Variants in ADAMTS17 observed in about 807,000 individuals in gnomAD.
ADAMTS17 encodes the protein ADAM metallopeptidase with thrombospondin type 1 motif 17.
Under a neutral mutation model 141.5 loss-of-function variants are expected in ADAMTS17, and 113 were observed. The ratio of observed to expected loss-of-function variants is 0.80; its 90% CI spans 0.69 to 0.93. The LOEUF (loss-of-function observed/expected upper bound fraction) is 0.93, where lower values mean the gene tolerates loss of function less well. Among genes scored for constraint, ADAMTS17 ranks in the 40% least tolerant of loss-of-function variants. The pLI, the probability that ADAMTS17 is intolerant of heterozygous loss-of-function variation, is 0.00. For missense variants in ADAMTS17, 1,659 were observed against 1,517.9 expected (o/e 1.09, Z -1.54); for synonymous variants, 768 against 630.6 (o/e 1.22, Z -3.27).
chr15:100,096,580 G>T, intron 14 of ADAMTS17, 104 bp from the exon 15 acceptor site: 2 of 1,488,740 alleles, frequency 1.3e-6, no homozygotes, highest in Non-Finnish European at 1.9e-6. Flanking sequence ...GCATACATGG[G>T]GCCTGGGGCC....
chr15:100,184,788 G>T (rs565475211), intron 8 of ADAMTS17, among the ~76,000 whole-genome samples: 1 of 152,198 alleles, frequency 6.6e-6, no homozygotes, highest in African/African-American at 2.4e-5. Flanking sequence ...ACTTCCCGTA[G>T]CCCCCTGTCA....
chr15:100,053,809 G>A (rs917596251), intron 16 of ADAMTS17, 88 bp downstream of exon 16: 1 of 1,601,784 alleles, frequency 6.2e-7, no homozygotes, highest in Non-Finnish European at 8.5e-7. Flanking sequence ...TGCCCCCGAG[G>A]TCCCAGGCAG....
chr15:100,141,227 G>A (rs896164537), intron 10 of ADAMTS17, among the ~76,000 whole-genome samples: 4 of 152,288 alleles, frequency 2.6e-5, no homozygotes, highest in African/African-American at 4.8e-5. Context: ...TCCCTGGAGC[G>A]CTGTGAAAAC....
At chr15:100,198,992 T>A (rs2041222268) in intron 8 of ADAMTS17, among the ~76,000 whole-genome samples, 1 of 152,216 alleles carries the variant, frequency 6.6e-6, no homozygotes, top group Non-Finnish European at 1.5e-5. Flanking sequence ...AATAATAGAC[T>A]TAGAGTGAAT....
intron 8 of ADAMTS17, among the ~76,000 whole-genome samples, chr15:100,189,612 T>G (rs903901356): frequency 1.3e-5 from 2 of 152,166 alleles, no homozygotes; most frequent in Non-Finnish European, 2.9e-5. Flanking sequence ...TGCTGAAGGC[T>G]CCCCTGACCA....
chr15:100,061,738 A>G (rs547470180), intron 15 of ADAMTS17, among the ~76,000 whole-genome samples: 1 of 152,368 alleles, frequency 6.6e-6, no homozygotes, highest in South Asian at 2.1e-4. Flanking sequence ...TCGGAAGCCA[A>G]GGGACTTACT....
At chr15:99,984,124 T>A (rs1385407722) in intron 20 of ADAMTS17, among the ~76,000 whole-genome samples, 1 of 152,154 alleles carries the variant, frequency 6.6e-6, no homozygotes, top group Non-Finnish European at 1.5e-5. Context: ...GGGTCCCTCC[T>A]TCCTCTGAAT....
Position 100,096,261 on chromosome 15 carries a change from C to T in ADAMTS17, c.2137+95G>A. The T allele has an allele frequency of 1.3e-6, 2 of 1,592,770 alleles. 1 individual carries two copies. The highest frequency in any genetic ancestry group is 2.2e-5 in the South Asian group (2 of 90,186). ...GTCACCTATCCACTACCATCTAGCCCTTAAATATGAAATGTAGGGAAGACT... is the reference window on the plus strand; with the variant it reads ...GTCACCTATCCACTACCATCTAGCCTTTAAATATGAAATGTAGGGAAGACT... On this transcript the variant is annotated intron_variant, in intron 15 of 21. Coordinates refer to ENST00000268070, the MANE Select transcript of ADAMTS17 (RefSeq NM_139057.4).
At chr15:100,287,877 G>A (rs2142108096) in intron 3 of ADAMTS17, among the ~76,000 whole-genome samples, 1 of 152,324 alleles carries the variant, frequency 6.6e-6, no homozygotes. Flanking sequence ...AATATGGAAA[G>A]GAATGACTGT....
intron 18 of ADAMTS17, among the ~76,000 whole-genome samples, chr15:100,031,285 A>G (rs1031670927): frequency 1.3e-5 from 2 of 152,222 alleles, no homozygotes; most frequent in African/African-American, 4.8e-5. Context: ...CTGCCTCTAC[A>G]TGATAAGTAG....
chr15:100,181,881 C>T (rs2040538103), intron 8 of ADAMTS17, among the ~76,000 whole-genome samples: 1 of 152,224 alleles, frequency 6.6e-6, no homozygotes, highest in African/African-American at 2.4e-5. Context: ...CAACACAGCA[C>T]TAGGACTTAA....
chr15:99,986,579 C>A (rs536046326), intron 20 of ADAMTS17, among the ~76,000 whole-genome samples: 1 of 152,180 alleles, frequency 6.6e-6, no homozygotes, highest in Non-Finnish European at 1.5e-5. Flanking sequence ...AGGGGGTCAA[C>A]GATCACTTTC....
At chr15:100,182,586 C>T (rs545065993) in intron 8 of ADAMTS17, among the ~76,000 whole-genome samples, 3 of 152,268 alleles carry the variant, frequency 2.0e-5, no homozygotes, top group Admixed American at 6.5e-5. Context: ...TCTTTCCTAC[C>T]GACTTCAATG....
intron 15 of ADAMTS17, among the ~76,000 whole-genome samples, chr15:100,092,195 A>G (rs1006302464): frequency 6.6e-6 from 1 of 152,210 alleles, no homozygotes; most frequent in African/African-American, 2.4e-5. Context: ...GTACGTTTCC[A>G]TTTGACTCTG....
chr15:100,039,309 C>T (rs1174298402), intron 18 of ADAMTS17, among the ~76,000 whole-genome samples: 4 of 152,084 alleles, frequency 2.6e-5, no homozygotes, highest in Non-Finnish European at 5.9e-5. Context: ...GCTCCTCTTT[C>T]CAGTATCATT....
At chr15:100,096,623 A>C in intron 14 of ADAMTS17, 147 bp from the exon 15 acceptor site, 2 of 1,021,672 alleles carry the variant, frequency 2.0e-6, no homozygotes, top group Non-Finnish European at 2.9e-6. Context: ...AAAATATTTT[A>C]ATTCAGGAGA....
chr15:100,163,230 TGAGACAGATAAAGA>T (rs1337222527), intron 8 of ADAMTS17, among the ~76,000 whole-genome samples: 1 of 152,004 alleles, frequency 6.6e-6, no homozygotes, highest in Non-Finnish European at 1.5e-5. Context: ...TTCAACTTAT[TGAGACAGATAAAGA>T]GAGACAGAGA....
intron 8 of ADAMTS17, among the ~76,000 whole-genome samples, chr15:100,180,400 C>T (rs2040482597): frequency 6.6e-6 from 1 of 152,200 alleles, no homozygotes. Flanking sequence ...TGCCAATACC[C>T]ATGCCATTTT....
At chr15:100,143,440 T>G (rs1251513795) in intron 10 of ADAMTS17, among the ~76,000 whole-genome samples, 1 of 152,254 alleles carries the variant, frequency 6.6e-6, no homozygotes, top group East Asian at 1.9e-4. Flanking sequence ...GCATAAAGTT[T>G]ATTTCCCCTT....
Sources: gnomAD v4.1 joint callset for allele counts (sites outside exome capture counted in the v4.1 genomes callset) on GRCh38, gnomAD v4.1.1 for gene constraint, MANE v1.5 for transcripts, NCBI Gene and HGNC (gene_info 2026-07-23, HGNC 2026-07-21) for gene names.